DDX60L: variants seen among roughly 807,000 people sequenced by gnomAD.
DDX60L encodes probable ATP-dependent RNA helicase DDX60-like.
Under a neutral mutation model 211.6 loss-of-function variants are expected in DDX60L, and 191 were observed. The observed-to-expected ratio is 0.90, with a 90% CI of 0.80 to 1.02. DDX60L has a LOEUF of 1.02. Ranked by LOEUF, DDX60L falls within the 50% of genes least tolerant of loss-of-function variation. The pLI, the probability that DDX60L is intolerant of heterozygous loss-of-function variation, is 0.00. For synonymous variants in DDX60L, 706 were observed against 694.1 expected (o/e 1.02, Z -0.27); for missense variants, 2,007 against 1,984.1 (o/e 1.01, Z -0.22).
At chr4:168,367,757 TG>T (rs1388011053) in intron 36 of DDX60L, among the ~76,000 whole-genome samples, 1 of 152,196 alleles carries the variant, frequency 6.6e-6, no homozygotes, top group African/African-American at 2.4e-5. Flanking sequence ...CAGTCTAAGG[TG>T]GTCTCAGATG....
intron 25 of DDX60L, among the ~76,000 whole-genome samples, chr4:168,402,905 G>A (rs905535372): frequency 6.6e-6 from 1 of 152,180 alleles, no homozygotes; most frequent in Non-Finnish European, 1.5e-5. Flanking sequence ...CATTTAAAAT[G>A]TCTATTTTTA....
At chr4:168,361,372 A>T (rs903151100) in intron 36 of DDX60L, 161 bp from the exon 37 acceptor site, 67 of 518,860 alleles carry the variant, frequency 1.3e-4, no homozygotes, top group Non-Finnish European at 2.8e-5. Flanking sequence ...ATTGAGAGGC[A>T]TAGGTAAAAA....
chr4:168,472,891 GAGCA>G (rs755017632), intron 1 of DDX60L, 82 bp from the exon 2 acceptor site: 5 of 601,558 alleles, frequency 8.3e-6, no homozygotes, highest in Non-Finnish European at 1.4e-5. Context: ...ATTTTCCACA[GAGCA>G]AGCAGTCTAG....
intron 30 of DDX60L, among the ~76,000 whole-genome samples, chr4:168,383,110 C>T (rs1387910598): frequency 2.0e-5 from 3 of 152,148 alleles, no homozygotes; most frequent in Non-Finnish European, 4.4e-5. Context: ...CTTTATGAGT[C>T]TATAGCCAAT....
rs115530670 is a variant in DDX60L, at chr4:168,411,539, G to A, written c.2979+3869C>T. ...GGAGCATTTAGACTAGCCTGACCCA[G>A]AGGAGAACTGCCCATCCCAGCAGTC... On this transcript the variant is annotated intron_variant, in intron 22 of 37. Coordinates refer to ENST00000682922, the MANE Select transcript of DDX60L (RefSeq NM_001012967.3). Among the ~76,000 whole-genome samples, 664 of 152,116 alleles carry A rather than the reference G, an allele frequency of 4.4e-3. 6 individuals carry two copies. The highest frequency in any genetic ancestry group is 0.016 in the African/African-American group (645 of 41,572).
chr4:168,423,568 G>A, intron 15 of DDX60L, 40 bp downstream of exon 15: 1 of 1,266,116 alleles, frequency 7.9e-7, no homozygotes, highest in East Asian at 2.5e-5. Context: ...TATTAAAATT[G>A]AGTAAAAATT....
intron 10 of DDX60L, among the ~76,000 whole-genome samples, chr4:168,440,429 G>T (rs950281065): frequency 2.0e-5 from 3 of 152,170 alleles, no homozygotes; most frequent in African/African-American, 7.2e-5. Flanking sequence ...ATTCATAACA[G>T]TTTTACCCTT....
intron 10 of DDX60L, among the ~76,000 whole-genome samples, chr4:168,441,030 G>A (rs1366709243): frequency 1.3e-5 from 2 of 152,098 alleles, no homozygotes; most frequent in Non-Finnish European, 2.9e-5. Flanking sequence ...GATGAGAGGA[G>A]GGGGAGGATG....
intron 4 of DDX60L, among the ~76,000 whole-genome samples, chr4:168,465,593 C>T (rs564740646): frequency 2.3e-4 from 35 of 152,042 alleles, no homozygotes; most frequent in Non-Finnish European, 4.3e-4. Context: ...GAAGCATTTC[C>T]CCTATGTTTT....
intron 10 of DDX60L, among the ~76,000 whole-genome samples, chr4:168,436,883 T>C (rs1753108251): frequency 6.6e-6 from 1 of 152,162 alleles, no homozygotes. Context: ...TACCTCTGAA[T>C]CAACAGGCAA....
At chr4:168,456,293 T>C in intron 6 of DDX60L, 141 bp from the exon 7 acceptor site, 2 of 441,110 alleles carry the variant, frequency 4.5e-6, no homozygotes, top group Non-Finnish European at 7.8e-6. Context: ...AGTTTAAAAA[T>C]GTATGATCAT....
At chr4:168,446,635 A>T (rs985664608) in intron 9 of DDX60L, among the ~76,000 whole-genome samples, 1 of 151,812 alleles carries the variant, frequency 6.6e-6, no homozygotes, top group African/African-American at 2.4e-5. Flanking sequence ...AAACTATACT[A>T]CAAGGCTACA....
At position 168,361,177 on chromosome 4, in the gene DDX60L, C is replaced by A. The variant is rs763804202; in HGVS notation, c.4963G>T (p.Asp1655Tyr). 2 of 1,608,602 alleles carry A rather than the reference C, an allele frequency of 1.2e-6. No homozygotes were observed. The highest frequency in any genetic ancestry group is 1.7e-6 in the Non-Finnish European group (2 of 1,176,246). ...RMGQLLKCLK[D>Y]FAFNIQAISD... ...ATAGCCTGAATGTTGAATGCAAAAT[C>A]TTTCAAACACTTTAAAAGCTGTCCC... The change falls in exon 37 of 38, where the codon GAT becomes TAT. Residue 1655 changes from aspartate to tyrosine, a missense_variant. Physicochemically the swap from Asp to Tyr is radical, Grantham distance 160. Coordinates refer to ENST00000682922, the MANE Select transcript of DDX60L (RefSeq NM_001012967.3).
chr4:168,375,615 A>AAC, intron 33 of DDX60L, 91 bp from the exon 34 acceptor site: 1 of 1,144,890 alleles, frequency 8.7e-7, no homozygotes. Context: ...AGTTCTGTAG[A>AAC]TTGATGCTCA....
rs1741347938 is a variant in DDX60L, at chr4:168,373,287, C to T, written c.4776+379G>A. On this transcript the variant is annotated intron_variant, in intron 35 of 37. Coordinates refer to ENST00000682922, the MANE Select transcript of DDX60L (RefSeq NM_001012967.3). ...TCCCAGAGGTTCTAATGCTTTGTGGCCCCCTTTGTAGACCACTGTCCCCAA... is the reference window on the plus strand; with the variant it reads ...TCCCAGAGGTTCTAATGCTTTGTGGTCCCCTTTGTAGACCACTGTCCCCAA... 4.6e-5 allele frequency among the ~76,000 whole-genome samples: 7 copies of T among 152,158 alleles called. No individual in the cohort carries two copies. In the South Asian group the frequency reaches 1.5e-3, roughly 32 times the overall value.
intron 12 of DDX60L, among the ~76,000 whole-genome samples, chr4:168,431,999 T>C (rs895441091): frequency 1.6e-4 from 25 of 152,146 alleles, no homozygotes; most frequent in African/African-American, 6.0e-4. Flanking sequence ...TGTATCAGCA[T>C]ATTTACTTCA....
chr4:168,379,720 T>A lies in DDX60L; in HGVS notation c.4221+6A>T. 1 of 1,609,100 alleles carries A rather than the reference T, an allele frequency of 6.2e-7. No homozygotes were observed. ...CAGAGAACAAAAAGCCAAAGCACGATGATACCTCTTTGATAAGGAGCTGCA... is the reference window on the plus strand; with the variant it reads ...CAGAGAACAAAAAGCCAAAGCACGAAGATACCTCTTTGATAAGGAGCTGCA... On this transcript the variant is annotated splice_donor_region_variant and intron_variant, in intron 31 of 37. Coordinates refer to ENST00000682922, the MANE Select transcript of DDX60L (RefSeq NM_001012967.3).
intron 14 of DDX60L, among the ~76,000 whole-genome samples, chr4:168,425,722 T>C (rs1006203014): frequency 5.2e-4 from 79 of 152,020 alleles, no homozygotes; most frequent in African/African-American, 1.6e-3. Context: ...TGAGCTAAGA[T>C]CACTCTACTG....
At chr4:168,446,581 T>C (rs966829672) in intron 9 of DDX60L, among the ~76,000 whole-genome samples, 12 of 152,150 alleles carry the variant, frequency 7.9e-5, no homozygotes, top group Non-Finnish European at 4.4e-5. Flanking sequence ...AAGTCAATCC[T>C]AAGCCAAAAG....
Sources: allele counts gnomAD v4.1 joint callset (sites outside exome capture counted in the v4.1 genomes callset), GRCh38; gene constraint gnomAD v4.1.1; transcripts MANE v1.5; gene names NCBI Gene and HGNC (gene_info 2026-07-23, HGNC 2026-07-21).